Variants in CLMP observed in about 807,000 individuals in gnomAD.
CLMP encodes the protein CXADR like cell adhesion molecule.
In CLMP, 27 loss-of-function variants were observed where a neutral mutation model predicts 45.2. That is an observed-to-expected ratio of 0.60 (90% CI 0.44 to 0.82). The LOEUF is 0.82. CLMP is among the 40% of genes least tolerant of loss of function. The probability of loss-of-function intolerance (pLI) is 0.00; values close to 1 mark genes in which losing one functional copy is unlikely to be tolerated. For synonymous variants in CLMP, 167 were observed against 171.4 expected (o/e 0.97, Z 0.20); for missense variants, 403 against 448.4 (o/e 0.90, Z 0.91).
Position 123,194,975 on chromosome 11 carries a change from C to T in CLMP, c.-35G>A, listed in dbSNP as rs2302605. On this transcript the variant is annotated 5_prime_UTR_variant, in exon 1 of 7. Coordinates refer to ENST00000448775, the MANE Select transcript of CLMP (RefSeq NM_024769.5). ...CGGACGCGGGCGCTTCCCCGCTCAG[C>T]TGCTGCTTGGCTCCGGGGCGGCCGG... 877,856 of 1,604,894 alleles carry T rather than the reference C, an allele frequency of 0.55. 247,181 individuals are homozygous for T. Among genetic ancestry groups the T allele is most frequent in the Admixed American group, 0.66 (39,202 of 59,208 alleles).
chr11:123,180,897 T>G (rs1861759683), intron 1 of CLMP, among the ~76,000 whole-genome samples: 1 of 152,112 alleles, frequency 6.6e-6, no homozygotes, highest in Non-Finnish European at 1.5e-5. Context: ...TGTGGGAAGC[T>G]GGATGCCTGG....
intron 1 of CLMP, among the ~76,000 whole-genome samples, chr11:123,143,511 CT>C (rs909422724): frequency 7.0e-6 from 1 of 143,480 alleles, no homozygotes; most frequent in African/African-American, 2.7e-5. Flanking sequence ...TGTGAACCGC[CT>C]ATGGGGGGCG....
At chr11:123,153,867 T>A (rs1861375864) in intron 1 of CLMP, among the ~76,000 whole-genome samples, 1 of 133,952 alleles carries the variant, frequency 7.5e-6, no homozygotes, top group Non-Finnish European at 1.6e-5. Context: ...TTTTTTTTTT[T>A]AAGAGATGGG....
At chr11:123,154,061 C>A (rs756703580) in intron 1 of CLMP, among the ~76,000 whole-genome samples, 1 of 152,054 alleles carries the variant, frequency 6.6e-6, no homozygotes, top group Non-Finnish European at 1.5e-5. Context: ...GGATTGGACA[C>A]CTATCATAAT....
chr11:123,101,652 A>G (rs1866062303), intron 1 of CLMP, among the ~76,000 whole-genome samples: 2 of 152,202 alleles, frequency 1.3e-5, no homozygotes, highest in African/African-American at 2.4e-5. Flanking sequence ...GAAAATTATA[A>G]CAGTAAGCTA....
intron 1 of CLMP, among the ~76,000 whole-genome samples, chr11:123,099,351 G>C (rs894739017): frequency 6.6e-6 from 1 of 152,104 alleles, no homozygotes; most frequent in African/African-American, 2.4e-5. Flanking sequence ...AGGATGAAAA[G>C]ACAATTACAC....
chr11:123,160,328 A>ATAATCCAAT (rs1565400380), intron 1 of CLMP, among the ~76,000 whole-genome samples: 1 of 151,346 alleles, frequency 6.6e-6, no homozygotes, highest in Non-Finnish European at 1.5e-5. Flanking sequence ...ATTTATTTCA[A>ATAATCCAAT]TAATCCAATT....
rs186863626 is a variant in CLMP at position 123,090,911 on chromosome 11, A to G, written c.187-6198T>C. Among the ~76,000 whole-genome samples the G allele has an allele frequency of 1.6e-4, 25 of 152,290 alleles. No individual in the cohort carries two copies. The East Asian group carries it at 4.8e-3, about 29-fold the overall frequency. ...CTTAGTGCTTATATAGGTTGTGGTT[A>G]TGTGCCTATGTGCAGTATAGCATTT... On this transcript the variant is annotated intron_variant, in intron 2 of 6. Transcript: ENST00000448775.
At chr11:123,160,048 G>A (rs950149487) in intron 1 of CLMP, among the ~76,000 whole-genome samples, 1 of 152,124 alleles carries the variant, frequency 6.6e-6, no homozygotes, top group Non-Finnish European at 1.5e-5. Context: ...GGAGGCTGAG[G>A]CGGGAGGATC....
intron 1 of CLMP, among the ~76,000 whole-genome samples, chr11:123,186,342 G>A (rs1237391348): frequency 6.6e-6 from 1 of 152,126 alleles, no homozygotes; most frequent in Non-Finnish European, 1.5e-5. Context: ...CCAGGCTGGG[G>A]CAGCCTAAGT....
intron 5 of CLMP, among the ~76,000 whole-genome samples, chr11:123,079,699 C>T (rs1473104069): frequency 6.6e-6 from 1 of 152,220 alleles, no homozygotes; most frequent in Non-Finnish European, 1.5e-5. Flanking sequence ...CCCGCCTCGA[C>T]CTCCCAAAGT....
intron 1 of CLMP, among the ~76,000 whole-genome samples, chr11:123,098,788 C>T: frequency 6.6e-6 from 1 of 150,506 alleles, no homozygotes; most frequent in Non-Finnish European, 1.5e-5. Flanking sequence ...CTCACTGCAA[C>T]CTCCGTCCCC....
At chr11:123,141,480 G>A (rs1008964374) in intron 1 of CLMP, among the ~76,000 whole-genome samples, 9 of 151,990 alleles carry the variant, frequency 5.9e-5, no homozygotes, top group Admixed American at 4.6e-4. Flanking sequence ...CACCGCGCCC[G>A]GCCAGGCATT....
chr11:123,078,724 A>T (rs1865768711), intron 5 of CLMP, among the ~76,000 whole-genome samples: 1 of 147,796 alleles, frequency 6.8e-6, no homozygotes, highest in Non-Finnish European at 1.5e-5. Context: ...GGCTCACTGC[A>T]AGCTCCACCT....
At chr11:123,136,326 A>G (rs1861070330) in intron 1 of CLMP, 2 of 617,176 alleles carry the variant, frequency 3.2e-6, no homozygotes, top group South Asian at 3.0e-5. Flanking sequence ...GTTAAATCCA[A>G]CACTTCGTAA....
At chr11:123,092,444 C>T (rs1221261938) in intron 2 of CLMP, among the ~76,000 whole-genome samples, 1 of 151,952 alleles carries the variant, frequency 6.6e-6, no homozygotes, top group Non-Finnish European at 1.5e-5. Context: ...ACTACAGGCA[C>T]ACACCACCAC....
At chr11:123,118,929 T>TTTC in intron 1 of CLMP, among the ~76,000 whole-genome samples, 1 of 99,418 alleles carries the variant, frequency 1.0e-5, no homozygotes, top group African/African-American at 4.2e-5. Context: ...TTTTCTTTTC[T>TTTC]TTTCTTTCTT....
intron 1 of CLMP, among the ~76,000 whole-genome samples, chr11:123,148,350 TGAA>T (rs557879206): frequency 1.4e-4 from 21 of 152,282 alleles, no homozygotes; most frequent in Admixed American, 1.2e-3. Context: ...GGATGGAATC[TGAA>T]GAAGAAGGGG....
intron 1 of CLMP, chr11:123,136,307 G>A (rs1051132817): frequency 7.9e-6 from 5 of 634,652 alleles, no homozygotes; most frequent in East Asian, 3.7e-5. Flanking sequence ...GTGTCTTCGC[G>A]CATACTCAGT....
Sources: allele counts gnomAD v4.1 joint callset (sites outside exome capture counted in the v4.1 genomes callset), GRCh38; gene constraint gnomAD v4.1.1; transcripts MANE v1.5; gene names NCBI Gene and HGNC (gene_info 2026-07-23, HGNC 2026-07-21).